The following EPB41L3 variants were observed in gnomAD, a reference collection of about 807,000 sequenced individuals.
EPB41L3 encodes band 4.1-like protein 3.
In EPB41L3, 57 loss-of-function variants were observed where a neutral mutation model predicts 127.1. The ratio of observed to expected loss-of-function variants is 0.45; its 90% CI spans 0.36 to 0.56. The LOEUF is 0.56. Among genes scored for constraint, EPB41L3 ranks in the 20% least tolerant of loss-of-function variants. The pLI is 0.00. For synonymous variants in EPB41L3, 572 were observed against 549.5 expected (o/e 1.04, Z -0.57); for missense variants, 1,273 against 1,372.2 (o/e 0.93, Z 1.14).
chr18:5,414,748 C>T (rs1435044316), intron 13 of EPB41L3, among the ~76,000 whole-genome samples: 2 of 152,194 alleles, frequency 1.3e-5, no homozygotes, highest in Admixed American at 1.3e-4. Flanking sequence ...TTATTCTTCC[C>T]TGCACTCTAT....
Position 5,407,752 on chromosome 18 carries a change from AAG to A in EPB41L3, c.2122-18_2122-17del, listed in dbSNP as rs755827862. ...CCTGGTCCGACTGCCAGCATCAAGAAAGAGTGGGAAATAAAGTCTTACATGCA... is the reference window on the plus strand; with the variant it reads ...CCTGGTCCGACTGCCAGCATCAAGAAAGTGGGAAATAAAGTCTTACATGCA... On this transcript the variant is annotated splice_polypyrimidine_tract_variant and intron_variant, in intron 14 of 22. Coordinates refer to ENST00000341928, the MANE Select transcript of EPB41L3 (RefSeq NM_012307.5). The A allele has an allele frequency of 6.2e-6, 10 of 1,613,584 alleles. 1 individual carries two copies. The South Asian group carries it at 1.1e-4, about 18-fold the overall frequency.
At chr18:5,406,527 G>A (rs1345473822) in intron 16 of EPB41L3, among the ~76,000 whole-genome samples, 1 of 152,166 alleles carries the variant, frequency 6.6e-6, no homozygotes, top group Non-Finnish European at 1.5e-5. Flanking sequence ...AGAATCAGCT[G>A]ATTTTTCACG....
At chr18:5,399,505 T>TG (rs1356304659) in intron 16 of EPB41L3, 2 of 397,482 alleles carry the variant, frequency 5.0e-6, no homozygotes, top group Non-Finnish European at 8.9e-6. Context: ...GACCATACAG[T>TG]GCTCATGTTA....
At chr18:5,586,535 G>T (rs1479075436) in intron 3 of EPB41L3, among the ~76,000 whole-genome samples, 1 of 150,330 alleles carries the variant, frequency 6.7e-6, no homozygotes, top group Admixed American at 6.6e-5. Context: ...GAGTAGCTGG[G>T]ACCACAGATG....
chr18:5,409,653 C>T (rs1375796040), intron 14 of EPB41L3, among the ~76,000 whole-genome samples: 1 of 150,864 alleles, frequency 6.6e-6, no homozygotes, highest in African/African-American at 2.4e-5. Flanking sequence ...ATACCACTTA[C>T]AATATTTTTA....
intron 3 of EPB41L3, among the ~76,000 whole-genome samples, chr18:5,607,180 C>T (rs994528369): frequency 2.6e-5 from 4 of 152,158 alleles, no homozygotes; most frequent in Non-Finnish European, 5.9e-5. Context: ...ACTGGAATGT[C>T]GAAAGCAAGA....
At chr18:5,580,441 C>T (rs894761305) in intron 3 of EPB41L3, among the ~76,000 whole-genome samples, 3 of 152,044 alleles carry the variant, frequency 2.0e-5, no homozygotes, top group African/African-American at 7.2e-5. Context: ...TATATAGACA[C>T]ACATGTATAG....
In EPB41L3 at chr18:5,434,256, T is replaced by A. The variant is rs189842063; in HGVS notation, c.606-135A>T. On this transcript the variant is annotated intron_variant, in intron 6 of 22. Transcript: ENST00000341928. The stretch of plus-strand genomic sequence containing the variant: ...TCTAGGATAAATTTTCTAGCGTCTA[T>A]ATATTTTGATATTTACTTCATACAT... 2,113 of 646,980 alleles carry A rather than the reference T, an allele frequency of 3.3e-3. 5 individuals are homozygous for A. The highest frequency in any genetic ancestry group is 0.014 in the Middle Eastern group (34 of 2,354). 40.1% of individuals were successfully genotyped at this position (646,980 alleles called of 1,614,324 possible).
At chr18:5,430,839 A>G (rs2078914527) in intron 8 of EPB41L3, among the ~76,000 whole-genome samples, 1 of 151,854 alleles carries the variant, frequency 6.6e-6, no homozygotes, top group African/African-American at 2.4e-5. Flanking sequence ...TACAGGTGTG[A>G]GCCACCTTGC....
At position 5,489,094 on chromosome 18, in the gene EPB41L3, C is replaced by T. The variant is rs746667162; in HGVS notation, c.90G>A (p.Gly30=). The change falls in exon 2 of 23, where the codon GGG becomes GGA. Residue 30 remains glycine, a synonymous_variant. Transcript: ENST00000341928. ...QEAAGAQGRA[G]APVPEPPKEE... ...CCTTGGGCGGCTCCGGCACGGGCGCCCCCGCGCGCCCCTGCGCCCCCGCCG... is the reference window on the plus strand; with the variant it reads ...CCTTGGGCGGCTCCGGCACGGGCGCTCCCGCGCGCCCCTGCGCCCCCGCCG... 3 of 1,593,232 alleles carry T rather than the reference C, an allele frequency of 1.9e-6. No individual in the cohort carries two copies. The highest frequency in any genetic ancestry group is 2.6e-6 in the Non-Finnish European group (3 of 1,173,818).
chr18:5,429,014 C>T (rs1269040064), intron 8 of EPB41L3, among the ~76,000 whole-genome samples: 3 of 151,850 alleles, frequency 2.0e-5, no homozygotes, highest in East Asian at 1.9e-4. Flanking sequence ...AAAAGAGCCC[C>T]GATATTTTTT....
At chr18:5,569,540 C>A (rs1049190399) in intron 3 of EPB41L3, among the ~76,000 whole-genome samples, 1 of 152,186 alleles carries the variant, frequency 6.6e-6, no homozygotes, top group Non-Finnish European at 1.5e-5. Context: ...GGTACAAATT[C>A]ATGGTCTCCT....
intron 1 of EPB41L3, among the ~76,000 whole-genome samples, chr18:5,490,981 G>A (rs74545188): frequency 0.15 from 22,857 of 152,130 alleles, 1,834 homozygotes; most frequent in Non-Finnish European, 0.17. Context: ...AGTCTGTGCC[G>A]GAAATATGCT....
intron 1 of EPB41L3, among the ~76,000 whole-genome samples, chr18:5,528,415 A>C (rs1177539040): frequency 6.6e-6 from 1 of 152,052 alleles, no homozygotes; most frequent in East Asian, 1.9e-4. Context: ...AGCTCAAGTG[A>C]TCCTCCTGCC....
At chr18:5,438,338 GA>G (rs2080175328) in intron 5 of EPB41L3, among the ~76,000 whole-genome samples, 1 of 152,132 alleles carries the variant, frequency 6.6e-6, no homozygotes, top group African/African-American at 2.4e-5. Context: ...AACTAGTATG[GA>G]AACTGATCAA....
intron 1 of EPB41L3, 24 bp from the exon 2 acceptor site, chr18:5,489,218 G>T (rs373331666): frequency 6.3e-7 from 1 of 1,580,780 alleles, no homozygotes. Context: ...AAAGGGAAGA[G>T]CAGGTCACTC....
At chr18:5,459,836 T>G (rs1208909070) in intron 3 of EPB41L3, among the ~76,000 whole-genome samples, 1 of 152,240 alleles carries the variant, frequency 6.6e-6, no homozygotes, top group African/African-American at 2.4e-5. Flanking sequence ...CATAGAATCA[T>G]AAGGAAGGAA....
chr18:5,555,362 C>A (rs1340727762), intron 3 of EPB41L3, among the ~76,000 whole-genome samples: 1 of 152,170 alleles, frequency 6.6e-6, no homozygotes, highest in East Asian at 1.9e-4. Context: ...AGAGGTGTAT[C>A]TTAACCAATC....
upstream of EPB41L3, chr18:5,630,471 C>T (rs2094981789): frequency 1.9e-6 from 1 of 518,836 alleles, no homozygotes; most frequent in Admixed American, 1.9e-5. Context: ...AGCGCAAGGG[C>T]AGAGAGAGGT....
Sources: gnomAD v4.1 joint callset for allele counts (sites outside exome capture counted in the v4.1 genomes callset) on GRCh38, gnomAD v4.1.1 for gene constraint, MANE v1.5 for transcripts, NCBI Gene and HGNC (gene_info 2026-07-23, HGNC 2026-07-21) for gene names.